Variants in NFIB observed in about 807,000 individuals in gnomAD.
NFIB encodes the protein nuclear factor 1 B-type.
In NFIB, 11 loss-of-function variants were observed where a neutral mutation model predicts 61.5. The ratio of observed to expected loss-of-function variants is 0.18; its 90% CI spans 0.11 to 0.30. The LOEUF is 0.30. Among genes scored for constraint, NFIB ranks in the 10% least tolerant of loss-of-function variants. NFIB has a pLI of 1.00. For missense variants in NFIB, 471 were observed against 608.9 expected (o/e 0.77, Z 2.38); for synonymous variants, 260 against 216.5 (o/e 1.20, Z -1.76).
intron 2 of NFIB, among the ~76,000 whole-genome samples, chr9:14,213,084 C>T (rs1180491848): frequency 6.6e-6 from 1 of 152,128 alleles, no homozygotes; most frequent in Non-Finnish European, 1.5e-5. Flanking sequence ...TATTTCCATT[C>T]GTATTTTTGT....
intron 1 of NFIB, among the ~76,000 whole-genome samples, chr9:14,380,944 C>T (rs549961749): frequency 2.7e-4 from 41 of 151,794 alleles, no homozygotes; most frequent in Non-Finnish European, 3.8e-4. Context: ...AGTGGAGGCC[C>T]CTGTTCCCTA....
the NFIB span, among the ~76,000 whole-genome samples, chr9:14,425,420 C>T: frequency 1.3e-5 from 2 of 152,108 alleles, no homozygotes; most frequent in Non-Finnish European, 2.9e-5. Flanking sequence ...TGACCACTCA[C>T]TCCATCCTCT....
chr9:14,344,116 G>GAA (rs2060988940), intron 1 of NFIB, among the ~76,000 whole-genome samples: 1 of 150,822 alleles, frequency 6.6e-6, no homozygotes, highest in African/African-American at 2.4e-5. Context: ...GAAAGAGAGA[G>GAA]AGAGAGAGAG....
chr9:14,456,049 T>A, the NFIB span, among the ~76,000 whole-genome samples: 3 of 152,200 alleles, frequency 2.0e-5, no homozygotes, highest in East Asian at 5.8e-4. Context: ...CCTGACCTCA[T>A]ATATTGCAGA....
chr9:14,153,861 T>C (rs1020179393), intron 4 of NFIB, among the ~76,000 whole-genome samples: 1 of 152,126 alleles, frequency 6.6e-6, no homozygotes, highest in South Asian at 2.1e-4. Context: ...GCGGATATAT[T>C]AAAACACTTA....
intron 1 of NFIB, among the ~76,000 whole-genome samples, chr9:14,353,016 C>T (rs1172082358): frequency 3.0e-4 from 46 of 152,132 alleles, no homozygotes; most frequent in Non-Finnish European, 4.4e-5. Flanking sequence ...AAGTGGATTT[C>T]TTTCTGCTGG....
At chr9:14,463,625 C>T in the NFIB span, among the ~76,000 whole-genome samples, 5 of 147,586 alleles carry the variant, frequency 3.4e-5, no homozygotes, top group African/African-American at 1.3e-4. Context: ...AGATGCTATT[C>T]GGATCATTTA....
At chr9:14,212,039 T>C (rs1587646014) in intron 2 of NFIB, among the ~76,000 whole-genome samples, 1 of 152,340 alleles carries the variant, frequency 6.6e-6, no homozygotes, top group East Asian at 1.9e-4. Flanking sequence ...TGCAAATACG[T>C]TGCCATTTAT....
intron 6 of NFIB, among the ~76,000 whole-genome samples, chr9:14,137,750 T>C (rs975905289): frequency 2.0e-5 from 3 of 152,110 alleles, no homozygotes; most frequent in Admixed American, 6.6e-5. Flanking sequence ...TTTTGACAAA[T>C]ATAGCTCATT....
At chr9:14,498,173 G>C in the NFIB span, among the ~76,000 whole-genome samples, 2 of 152,190 alleles carry the variant, frequency 1.3e-5, no homozygotes, top group Non-Finnish European at 2.9e-5. Flanking sequence ...GCAGGACTAG[G>C]ACTTAAATCC....
chr9:14,464,756 G>A, the NFIB span, among the ~76,000 whole-genome samples: 1 of 152,268 alleles, frequency 6.6e-6, no homozygotes, highest in South Asian at 2.1e-4. Context: ...CGGTCAGCAT[G>A]CTTTGGGACC....
chr9:14,529,444 C>T, the NFIB span, among the ~76,000 whole-genome samples: 1 of 152,128 alleles, frequency 6.6e-6, no homozygotes, highest in African/African-American at 2.4e-5. Context: ...ATAAAAGAAT[C>T]AGTGTCACGG....
intron 1 of NFIB, among the ~76,000 whole-genome samples, chr9:14,321,099 C>G (rs2060649108): frequency 6.6e-6 from 1 of 152,120 alleles, no homozygotes; most frequent in Non-Finnish European, 1.5e-5. Context: ...CTTCCCCGCC[C>G]CCTTCAATCT....
chr9:14,398,864 A>C, exon 1 of NFIB: 1 of 421,822 alleles, frequency 2.4e-6, no homozygotes, highest in Non-Finnish European at 4.2e-6. Context: ...CGAGGAGTTT[A>C]CTCCACTAAC....
At chr9:14,371,734 AC>A (rs1473404792) in intron 1 of NFIB, among the ~76,000 whole-genome samples, 2 of 152,060 alleles carry the variant, frequency 1.3e-5, no homozygotes, top group Admixed American at 6.5e-5. Flanking sequence ...GGTAGTAGCT[AC>A]CCCCTTTAAC....
At chr9:14,200,121 G>GGT (rs2048874455) in intron 2 of NFIB, among the ~76,000 whole-genome samples, 2 of 152,058 alleles carry the variant, frequency 1.3e-5, no homozygotes, top group Non-Finnish European at 2.9e-5. Flanking sequence ...CTCAGTAGTT[G>GGT]GGCATATTTC....
chr9:14,227,599 C>A (rs1170541351), intron 2 of NFIB, among the ~76,000 whole-genome samples: 1 of 152,126 alleles, frequency 6.6e-6, no homozygotes, highest in Non-Finnish European at 1.5e-5. Flanking sequence ...GTACTGTAAT[C>A]ATGGTTTTTT....
chr9:14,286,050 C>A lies in NFIB; in HGVS notation c.562+20939G>T, dbSNP rs546452742. Among the ~76,000 whole-genome samples the A allele has an allele frequency of 1.6e-3, 237 of 152,280 alleles. 1 individual carries two copies. Among genetic ancestry groups the A allele is most frequent in the African/African-American group, 5.2e-3 (218 of 41,546 alleles). Reference sequence around the variant, plus strand: ...TCCAACGCCATGCACACCTAGTCACCGCCCCTTGATGATGGGACACCACCA... The same window carrying A: ...TCCAACGCCATGCACACCTAGTCACAGCCCCTTGATGATGGGACACCACCA... On this transcript the variant is annotated intron_variant, in intron 2 of 10. Transcript: ENST00000380953.
intron 1 of NFIB, among the ~76,000 whole-genome samples, chr9:14,390,655 T>C (rs768319614): frequency 6.6e-6 from 1 of 152,206 alleles, no homozygotes; most frequent in African/African-American, 2.4e-5. Flanking sequence ...GTTATTAGGT[T>C]ATGAAAGTGG....
Sources: allele counts gnomAD v4.1 joint callset (sites outside exome capture counted in the v4.1 genomes callset), GRCh38; gene constraint gnomAD v4.1.1; transcripts MANE v1.5; gene names NCBI Gene and HGNC (gene_info 2026-07-23, HGNC 2026-07-21).